The following CREBRF variants were observed in gnomAD, a reference collection of about 807,000 sequenced individuals.
The protein encoded by CREBRF is CREB3 regulatory factor, also known as UPF0474 protein C5orf41.
In CREBRF, 5 loss-of-function variants were observed where a neutral mutation model predicts 66.1. That is an observed-to-expected ratio of 0.08 (90% CI 0.04 to 0.16). CREBRF has a LOEUF of 0.16. Ranked by LOEUF, CREBRF falls within the 10% of genes least tolerant of loss-of-function variation. The pLI, the probability that CREBRF is intolerant of heterozygous loss-of-function variation, is 1.00. For missense variants in CREBRF, 531 were observed against 744.9 expected (o/e 0.71, Z 3.34); for synonymous variants, 229 against 264.4 (o/e 0.87, Z 1.30).
chr5:173,085,261 C>G, intron 2 of CREBRF: 1 of 544,622 alleles, frequency 1.8e-6, no homozygotes, highest in Non-Finnish European at 3.1e-6. Flanking sequence ...AATTTTTAAT[C>G]TTTAGTTTGA....
intron 1 of CREBRF, among the ~76,000 whole-genome samples, chr5:173,059,996 G>T (rs1581651270): frequency 6.6e-6 from 1 of 152,228 alleles, no homozygotes; most frequent in Middle Eastern, 3.4e-3. Context: ...TTACAGGGTG[G>T]ATGTGTGTGG....
rs1759583660 is a variant in CREBRF at position 173,136,092 on chromosome 5, GTGAAAATCACCTCAT to G, written c.*2348_*2362del. ...CAAACTATGGCAGTTTTGCAATCAG[GTGAAAATCACCTCAT>G]GATATTCAGCTGATAAGGTTTATAA... On this transcript the variant is annotated 3_prime_UTR_variant, in exon 9 of 9. Coordinates refer to ENST00000296953, the MANE Select transcript of CREBRF (RefSeq NM_153607.3). 6.6e-6 allele frequency: 1 copy of G among 152,412 alleles called. No individual in the cohort carries two copies. Among genetic ancestry groups the G allele is most frequent in the Admixed American group, 6.6e-5 (1 of 15,260 alleles). 9.4% of individuals were successfully genotyped at this position (152,412 alleles called of 1,614,324 possible). A position where few individuals can be genotyped will look rare whatever the true frequency, so the allele number is the denominator to read the frequency against.
At chr5:173,099,560 A>G (rs893655954) in intron 4 of CREBRF, among the ~76,000 whole-genome samples, 1 of 152,164 alleles carries the variant, frequency 6.6e-6, no homozygotes, top group African/African-American at 2.4e-5. Flanking sequence ...GGGTATTGAT[A>G]GGTAAGGATT....
At chr5:173,078,279 TAC>T (rs771855401) in intron 1 of CREBRF, among the ~76,000 whole-genome samples, 21 of 152,280 alleles carry the variant, frequency 1.4e-4, no homozygotes, top group Non-Finnish European at 3.1e-4. Flanking sequence ...TTTTAACATT[TAC>T]TGTGATGAAT....
At chr5:173,093,512 A>G (rs1353500033) in intron 4 of CREBRF, among the ~76,000 whole-genome samples, 5 of 152,196 alleles carry the variant, frequency 3.3e-5, no homozygotes, top group Non-Finnish European at 5.9e-5. Context: ...TGGCCTACAC[A>G]ATACAGTTGT....
intron 7 of CREBRF, among the ~76,000 whole-genome samples, chr5:173,119,852 T>C (rs1177294153): frequency 2.0e-5 from 3 of 152,218 alleles, no homozygotes; most frequent in Non-Finnish European, 2.9e-5. Context: ...GGAACAATCA[T>C]GTATTGTTCT....
At chr5:173,102,211 A>G (rs967168967) in intron 4 of CREBRF, among the ~76,000 whole-genome samples, 1 of 152,286 alleles carries the variant, frequency 6.6e-6, no homozygotes, top group African/African-American at 2.4e-5. Flanking sequence ...AAGTTCATAG[A>G]TCTGCATTAT....
chr5:173,138,835 G>A lies in CREBRF; in HGVS notation c.*5090G>A, dbSNP rs978885997. ...TTCTTTCCCTAGGATTTGTCCTACA[G>A]CTTAGTATTGTGGTTGACAGCGATA... On this transcript the variant is annotated 3_prime_UTR_variant, in exon 9 of 9. Coordinates refer to ENST00000296953, the MANE Select transcript of CREBRF (RefSeq NM_153607.3). 3.3e-5 allele frequency: 5 copies of A among 152,192 alleles called. 1 individual carries two copies. In the South Asian group the frequency reaches 1.0e-3, roughly 32 times the overall value. 9.4% of individuals were successfully genotyped at this position (152,192 alleles called of 1,614,324 possible). A position where few individuals can be genotyped will look rare whatever the true frequency, so the allele number is the denominator to read the frequency against.
intron 1 of CREBRF, among the ~76,000 whole-genome samples, chr5:173,073,050 A>G (rs1476524793): frequency 6.6e-6 from 1 of 152,244 alleles, no homozygotes; most frequent in Admixed American, 6.5e-5. Context: ...GGCATGTTGT[A>G]TCTGCAGTGA....
chr5:173,078,944 A>G (rs1273895990), intron 1 of CREBRF, among the ~76,000 whole-genome samples: 1 of 152,006 alleles, frequency 6.6e-6, no homozygotes, highest in East Asian at 1.9e-4. Context: ...GACTTGAATT[A>G]GATGCCTTTA....
Position 173,111,164 on chromosome 5 carries a change from A to AC in CREBRF, c.1607+456dup, listed in dbSNP as rs1758860607. On this transcript the variant is annotated intron_variant, in intron 6 of 8. Transcript: ENST00000296953. ...TTTGTAAAAGCAAACCCCTTCCTGC[A>AC]CCCATCGCCCCTCAAAACTACTGAT... Among the ~76,000 whole-genome samples, 3 of 152,152 alleles carry AC rather than the reference A, an allele frequency of 2.0e-5. 1 individual carries two copies. The South Asian group carries it at 6.2e-4, about 31-fold the overall frequency.
At chr5:173,085,817 A>G (rs1164930980) in intron 2 of CREBRF, 3 of 780,614 alleles carry the variant, frequency 3.8e-6, no homozygotes, top group Non-Finnish European at 4.8e-6. Flanking sequence ...CTCTGGAGTG[A>G]TAGGCTTCTG....
chr5:173,113,199 T>C (rs1017739813), intron 7 of CREBRF, among the ~76,000 whole-genome samples: 1 of 152,214 alleles, frequency 6.6e-6, no homozygotes, highest in Non-Finnish European at 1.5e-5. Flanking sequence ...TCTACTGTGT[T>C]GCCCAGGCTG....
rs923890609 is a variant in CREBRF, at chr5:173,091,407, A to G, written c.1222+6A>G. On this transcript the variant is annotated splice_donor_region_variant and intron_variant, in intron 4 of 8. Coordinates refer to ENST00000296953, the MANE Select transcript of CREBRF (RefSeq NM_153607.3). ...TGATACTTTCTCTGAACCAGGTATT[A>G]TAATGCTTGCAAGCTTACCAGACTG... is the stretch of plus-strand genomic sequence containing the variant. The G allele has an allele frequency of 6.2e-7, 1 of 1,612,264 alleles. No individual in the cohort carries two copies. Among genetic ancestry groups the G allele is most frequent in the African/African-American group, 1.3e-5 (1 of 74,910 alleles).
rs546942844 is a variant in CREBRF at position 173,121,211 on chromosome 5, T to C, written c.1682-1869T>C. ...CCTGGGTAGGGGGTTGTCAGTGTTA[T>C]TGATCATTTCAAGGAACCAGCTTTT... On this transcript the variant is annotated intron_variant, in intron 7 of 8. Transcript: ENST00000296953. 2.0e-5 allele frequency among the ~76,000 whole-genome samples: 3 copies of C among 152,332 alleles called. No homozygotes were observed. The East Asian group carries it at 5.8e-4, about 29-fold the overall frequency.
At position 173,130,818 on chromosome 5, in the gene CREBRF, T is replaced by C. The variant is rs376099613; in HGVS notation, c.1805-2812T>C. Reference sequence around the variant, plus strand: ...TCTGCCTAGCAGATTTAAATGATTCTCCTGCCTCAGCTGACTCCCAAGTCA... The same window carrying C: ...TCTGCCTAGCAGATTTAAATGATTCCCCTGCCTCAGCTGACTCCCAAGTCA... On this transcript the variant is annotated intron_variant, in intron 8 of 8. Transcript: ENST00000296953. Among the ~76,000 whole-genome samples, 5 of 152,230 alleles carry C rather than the reference T, an allele frequency of 3.3e-5. No individual in the cohort carries two copies. The South Asian group carries it at 1.0e-3, about 31-fold the overall frequency.
intron 1 of CREBRF, among the ~76,000 whole-genome samples, chr5:173,079,002 C>T (rs1421098994): frequency 6.6e-6 from 1 of 152,116 alleles, no homozygotes; most frequent in African/African-American, 2.4e-5. Flanking sequence ...CCTTCTTTCT[C>T]ATAGGAATCA....
At chr5:173,083,566 G>T (rs1327651827) in intron 2 of CREBRF, among the ~76,000 whole-genome samples, 1 of 152,120 alleles carries the variant, frequency 6.6e-6, no homozygotes, top group Non-Finnish European at 1.5e-5. Context: ...TTACCTTCCT[G>T]CAGGCATTGG....
intron 4 of CREBRF, 144 bp downstream of exon 4, chr5:173,091,545 T>A: frequency 6.9e-7 from 1 of 1,448,744 alleles, no homozygotes; most frequent in South Asian, 1.5e-5. Context: ...GGATATGTAA[T>A]TGGTTTTTCT....
Sources: gnomAD v4.1 joint callset for allele counts (sites outside exome capture counted in the v4.1 genomes callset) on GRCh38, gnomAD v4.1.1 for gene constraint, MANE v1.5 for transcripts, NCBI Gene and HGNC (gene_info 2026-07-23, HGNC 2026-07-21) for gene names.